The following PCNX1 variants were observed in gnomAD, a reference collection of about 807,000 sequenced individuals.
The protein encoded by PCNX1 is pecanex 1.
A neutral mutation model predicts 242.2 loss-of-function variants in PCNX1; 78 were observed. That is an observed-to-expected ratio of 0.32 (90% CI 0.27 to 0.39). The LOEUF is 0.39. Ranked by LOEUF, PCNX1 falls within the 10% of genes least tolerant of loss-of-function variation. The pLI is 1.00. For missense variants in PCNX1, 2,581 were observed against 2,856.5 expected, an observed-to-expected ratio of 0.90 and a Z score of 2.20; for synonymous variants, 1,024 against 1,032.9, an observed-to-expected ratio of 0.99 and a Z score of 0.17.
chr14:71,007,055 T>C (rs181704235), intron 8 of PCNX1, among the ~76,000 whole-genome samples: 15 of 152,320 alleles, frequency 9.8e-5, no homozygotes, highest in African/African-American at 3.1e-4. Flanking sequence ...TCATAGCCTC[T>C]CTTTTAGACA....
chr14:71,018,817 A>T (rs565930539), intron 11 of PCNX1, among the ~76,000 whole-genome samples, 192 bp from the exon 12 acceptor site: 1 of 152,202 alleles, frequency 6.6e-6, no homozygotes, highest in Non-Finnish European at 1.5e-5. Context: ...TTATTTGTAT[A>T]TAAGAATTCA....
chr14:70,969,043 T>C lies in PCNX1; in HGVS notation c.537T>C (p.Thr179=). The change falls in exon 5 of 36, where the codon ACT becomes ACC. Residue 179 remains threonine (T), a synonymous_variant. Transcript: ENST00000304743. ...TAGGAGATACAGACACTGCTAAGACTTCTGATGATATCAGTTTAAGTCTGG... is the reference window on the plus strand; with the variant it reads ...TAGGAGATACAGACACTGCTAAGACCTCTGATGATATCAGTTTAAGTCTGG... ...TIKGDTDTAK[T]SDDISLSLGQ... 6.2e-7 allele frequency: 1 copy of C among 1,608,120 alleles called. No individual in the cohort carries two copies. Among genetic ancestry groups the C allele is most frequent in the Non-Finnish European group, 8.5e-7 (1 of 1,174,670 alleles).
chr14:71,026,817 C>A lies in PCNX1; in HGVS notation c.3401C>A (p.Pro1134His). ...FPIVFFIGLL[P>H]QVNTFVMYLC... ...ATAGTGTTTTTCATTGGTCTCCTGC[C>A]TCAGGTGAATACATTTGTAATGTAC... is the stretch of plus-strand genomic sequence containing the variant. The change falls in exon 15 of 36, where the codon CCT becomes CAT. Residue 1134 changes from proline to histidine, a missense_variant. By Grantham distance (77) the Pro-to-His change is moderately conservative (BLOSUM62 -2). Transcript: ENST00000304743. The A allele has an allele frequency of 6.3e-7, 1 of 1,583,668 alleles. No individual in the cohort carries two copies. The highest frequency in any genetic ancestry group is 8.7e-7 in the Non-Finnish European group (1 of 1,154,074).
In PCNX1 at chr14:71,094,111, A is replaced by T. The variant is rs183812493; in HGVS notation, c.5589+4769A>T. On this transcript the variant is annotated intron_variant, in intron 30 of 35. Transcript: ENST00000304743. ...AGGGTCAACTCTATATGTCTACATA[A>T]AGACTTAAACACAAATGTTTACAGT... 7.9e-3 allele frequency among the ~76,000 whole-genome samples: 1,209 copies of T among 152,340 alleles called. 7 individuals carry two copies. Among genetic ancestry groups the T allele is most frequent in the Middle Eastern group, 0.024 (7 of 294 alleles).
At chr14:70,983,688 A>C (rs1255091936) in intron 6 of PCNX1, among the ~76,000 whole-genome samples, 1 of 151,530 alleles carries the variant, frequency 6.6e-6, no homozygotes, top group Non-Finnish European at 1.5e-5. Context: ...TCACAGATGG[A>C]AATTATTTTA....
At position 71,063,100 on chromosome 14, in the gene PCNX1, A is replaced by G. The variant is rs961947007; in HGVS notation, c.4852+5376A>G. On this transcript the variant is annotated intron_variant, in intron 26 of 35. Transcript: ENST00000304743. ...GAAATTTCTTAACAGCGCATGTCAC[A>G]GAATGTATCCCCATAGTTATGCAAC... 4.1e-4 allele frequency among the ~76,000 whole-genome samples: 62 copies of G among 152,204 alleles called. 1 individual carries two copies. The highest frequency in any genetic ancestry group is 1.6e-4 in the Non-Finnish European group (11 of 68,034).
chr14:70,940,016 T>C (rs1281455293), intron 1 of PCNX1, among the ~76,000 whole-genome samples: 1 of 152,206 alleles, frequency 6.6e-6, no homozygotes, highest in Non-Finnish European at 1.5e-5. Context: ...TGAGCCTATG[T>C]GTGTCCCTGC....
At chr14:71,048,546 C>T (rs1160512944) in intron 22 of PCNX1, among the ~76,000 whole-genome samples, 2 of 152,202 alleles carry the variant, frequency 1.3e-5, no homozygotes, top group Non-Finnish European at 2.9e-5. Context: ...ATCACACTAC[C>T]TTTCTCAGTG....
intron 33 of PCNX1, among the ~76,000 whole-genome samples, chr14:71,107,961 A>C (rs1461995250): frequency 1.3e-5 from 2 of 152,350 alleles, no homozygotes; most frequent in South Asian, 2.1e-4. Flanking sequence ...CTTTGTGATA[A>C]GAATGTTTTA....
chr14:70,944,839 A>G (rs1203695865), intron 1 of PCNX1, among the ~76,000 whole-genome samples: 1 of 152,188 alleles, frequency 6.6e-6, no homozygotes, highest in Non-Finnish European at 1.5e-5. Context: ...TGATGGTTTT[A>G]TAAGGGGCTT....
chr14:71,067,072 T>G (rs2141346528), intron 26 of PCNX1, among the ~76,000 whole-genome samples: 1 of 145,386 alleles, frequency 6.9e-6, no homozygotes, highest in South Asian at 2.2e-4. Context: ...GAAATTTTCT[T>G]TTTTTTTTTT....
chr14:71,020,184 G>T (rs1294929752), intron 12 of PCNX1, among the ~76,000 whole-genome samples: 1 of 152,160 alleles, frequency 6.6e-6, no homozygotes, highest in African/African-American at 2.4e-5. Flanking sequence ...GTCTATCATT[G>T]ATGGGCATTT....
intron 19 of PCNX1, among the ~76,000 whole-genome samples, chr14:71,040,737 A>G (rs1014377129): frequency 6.6e-6 from 1 of 152,120 alleles, no homozygotes. Flanking sequence ...AGCATTGACT[A>G]TAGTTACCCT....
At chr14:71,050,603 C>A in intron 22 of PCNX1, 49 bp from the exon 23 acceptor site, 1 of 1,482,760 alleles carries the variant, frequency 6.7e-7, no homozygotes, top group South Asian at 1.3e-5. Flanking sequence ...ATTCAAATAT[C>A]TGATAAGTTT....
intron 1 of PCNX1, among the ~76,000 whole-genome samples, chr14:70,919,236 C>T (rs1175359050): frequency 6.6e-6 from 1 of 152,052 alleles, no homozygotes; most frequent in East Asian, 1.9e-4. Context: ...ATATTTTGTC[C>T]TTGACAGTAG....
chr14:70,968,985 A>G (rs374494451), intron 4 of PCNX1, 36 bp from the exon 5 acceptor site: 1 of 1,188,858 alleles, frequency 8.4e-7, no homozygotes, highest in South Asian at 1.2e-5. Context: ...CTTACTGTTA[A>G]TATAAGGTCC....
intron 26 of PCNX1, among the ~76,000 whole-genome samples, chr14:71,066,729 G>C (rs1450676052): frequency 6.6e-6 from 1 of 152,156 alleles, no homozygotes; most frequent in Non-Finnish European, 1.5e-5. Flanking sequence ...CATTCAGTAT[G>C]ATATTAGCTG....
At chr14:71,023,262 A>T (rs748864600) in intron 13 of PCNX1, 30 bp downstream of exon 13, 6 of 1,492,194 alleles carry the variant, frequency 4.0e-6, no homozygotes, top group Admixed American at 3.4e-5. Flanking sequence ...GCTGTACATT[A>T]TAGGTCCTTA....
At chr14:70,942,535 C>G (rs1371445628) in intron 1 of PCNX1, among the ~76,000 whole-genome samples, 2 of 152,208 alleles carry the variant, frequency 1.3e-5, no homozygotes, top group Non-Finnish European at 2.9e-5. Context: ...GCAGGTGCTT[C>G]AGCAGATACC....
Sources: allele counts gnomAD v4.1 joint callset (sites outside exome capture counted in the v4.1 genomes callset), GRCh38; gene constraint gnomAD v4.1.1; transcripts MANE v1.5; gene names NCBI Gene and HGNC (gene_info 2026-07-23, HGNC 2026-07-21).